Variants in CCDC85A observed in about 807,000 individuals in gnomAD.
The protein encoded by CCDC85A is coiled-coil domain-containing protein 85A.
Under a neutral mutation model 50.2 loss-of-function variants are expected in CCDC85A, and 38 were observed. The observed-to-expected ratio is 0.76, with a 90% CI of 0.58 to 0.99. The LOEUF is 0.99. CCDC85A is among the 50% of genes least tolerant of loss of function. The pLI, the probability that CCDC85A is intolerant of heterozygous loss-of-function variation, is 0.00. For missense variants in CCDC85A, 820 were observed against 742.0 expected (o/e 1.11, Z -1.22); for synonymous variants, 366 against 301.4 (o/e 1.21, Z -2.22).
At chr2:56,246,823 C>T (rs939137971) in intron 2 of CCDC85A, among the ~76,000 whole-genome samples, 3 of 152,036 alleles carry the variant, frequency 2.0e-5, no homozygotes, top group African/African-American at 7.2e-5. Flanking sequence ...TAAAATTTCA[C>T]TTGTTGGATA....
chr2:56,262,766 C>T (rs1022900120), intron 2 of CCDC85A, among the ~76,000 whole-genome samples: 4 of 152,200 alleles, frequency 2.6e-5, no homozygotes, highest in Non-Finnish European at 5.9e-5. Flanking sequence ...AGAGCCATCA[C>T]AGGGAAGTTC....
At position 56,192,456 on chromosome 2, in the gene CCDC85A, TG is replaced by T. The variant is rs1395815273; in HGVS notation, c.277-19del. ...ACCTCAGATGTGTACTTCCCTTGAA[TG>T]GTTGTGTCTCTCTTTTCAGGATATC... On this transcript the variant is annotated intron_variant, in intron 1 of 5. Transcript: ENST00000407595. This position sits in a 1 kb window ranked among gnomAD's most constrained non-coding sequence, Gnocchi z 4.7. 3.1e-6 allele frequency: 5 copies of T among 1,587,454 alleles called. No homozygotes were observed. The African/African-American group carries it at 6.7e-5, about 21-fold the overall frequency.
chr2:56,224,354 C>T (rs757053215), intron 2 of CCDC85A, among the ~76,000 whole-genome samples: 1 of 152,188 alleles, frequency 6.6e-6, no homozygotes, highest in Admixed American at 6.5e-5. Context: ...TTGAAAAAAT[C>T]CATTCATTGA....
At chr2:56,278,879 T>C (rs1341921714) in intron 2 of CCDC85A, among the ~76,000 whole-genome samples, 1 of 152,228 alleles carries the variant, frequency 6.6e-6, no homozygotes. Context: ...GACACTGGTC[T>C]GCTTTCTTAT....
At chr2:56,261,064 A>T (rs1573121204) in intron 2 of CCDC85A, among the ~76,000 whole-genome samples, 1 of 152,168 alleles carries the variant, frequency 6.6e-6, no homozygotes, top group East Asian at 1.9e-4. Flanking sequence ...AGGCATCAGG[A>T]CCCCTGGGTT....
chr2:56,240,523 C>A (rs1041206672), intron 2 of CCDC85A, among the ~76,000 whole-genome samples: 1 of 152,122 alleles, frequency 6.6e-6, no homozygotes, highest in Admixed American at 6.5e-5. Flanking sequence ...TTGTCCAATT[C>A]TTTGTTCAAA....
intron 2 of CCDC85A, among the ~76,000 whole-genome samples, chr2:56,289,463 A>G (rs7566597): frequency 0.21 from 31,570 of 152,012 alleles, 4,938 homozygotes; most frequent in African/African-American, 0.43. Context: ...GTAGGATTTC[A>G]TTGGGCAAAG....
chr2:56,309,600 A>G (rs1455495638), intron 2 of CCDC85A, among the ~76,000 whole-genome samples: 6 of 152,212 alleles, frequency 3.9e-5, no homozygotes, highest in Non-Finnish European at 8.8e-5. Flanking sequence ...ACTAGGACAG[A>G]TAAGTAAACT....
chr2:56,383,901 A>G (rs987662722), intron 5 of CCDC85A: 8 of 283,130 alleles, frequency 2.8e-5, no homozygotes, highest in South Asian at 1.4e-4. Flanking sequence ...GCAGTTGTCC[A>G]TGCCTCACTT....
chr2:56,293,398 C>T (rs941498477), intron 2 of CCDC85A, among the ~76,000 whole-genome samples: 2 of 152,120 alleles, frequency 1.3e-5, no homozygotes, highest in Non-Finnish European at 2.9e-5. Flanking sequence ...TAGGCAGTAC[C>T]ATTCAGGACA....
At chr2:56,207,138 C>T (rs1676994022) in intron 2 of CCDC85A, among the ~76,000 whole-genome samples, 1 of 152,156 alleles carries the variant, frequency 6.6e-6, no homozygotes, top group African/African-American at 2.4e-5. Context: ...TTAGCTTTTA[C>T]ATTTCACTTA....
At chr2:56,361,050 G>A (rs1016476560) in intron 3 of CCDC85A, among the ~76,000 whole-genome samples, 2 of 152,132 alleles carry the variant, frequency 1.3e-5, no homozygotes, top group Admixed American at 1.3e-4. Context: ...TCAGGAGATC[G>A]AGACCATCCT....
intron 2 of CCDC85A, among the ~76,000 whole-genome samples, chr2:56,203,595 T>C (rs1558582376): frequency 6.6e-6 from 1 of 152,098 alleles, no homozygotes; most frequent in Non-Finnish European, 1.5e-5. Flanking sequence ...ACAAAAGACA[T>C]TGATTTGAAA....
intron 1 of CCDC85A, among the ~76,000 whole-genome samples, chr2:56,191,257 G>A (rs762972746): frequency 9.9e-5 from 15 of 151,782 alleles, no homozygotes; most frequent in South Asian, 4.1e-4. Flanking sequence ...ACTGCATGAC[G>A]TTATGCTCTA....
chr2:56,338,656 GT>G (rs1254256268), intron 2 of CCDC85A, among the ~76,000 whole-genome samples: 1 of 151,740 alleles, frequency 6.6e-6, no homozygotes, highest in African/African-American at 2.4e-5. Flanking sequence ...TTAATTATTG[GT>G]TATGCACTAC....
chr2:56,252,626 G>C (rs1213997665), intron 2 of CCDC85A, among the ~76,000 whole-genome samples: 1 of 152,006 alleles, frequency 6.6e-6, no homozygotes, highest in Non-Finnish European at 1.5e-5. Context: ...ACGTGCCATG[G>C]TGGTTTGCTG....
At chr2:56,203,448 A>T (rs116666608) in intron 2 of CCDC85A, among the ~76,000 whole-genome samples, 1 of 151,914 alleles carries the variant, frequency 6.6e-6, no homozygotes, top group Non-Finnish European at 1.5e-5. Context: ...ACTATATGCC[A>T]TGTGGTTTTC....
At chr2:56,299,804 C>A (rs994369664) in intron 2 of CCDC85A, among the ~76,000 whole-genome samples, 1 of 152,160 alleles carries the variant, frequency 6.6e-6, no homozygotes, top group East Asian at 1.9e-4. Flanking sequence ...CTGCCACTGT[C>A]CTCAGGAAAT....
At chr2:56,318,966 A>C (rs996082078) in intron 2 of CCDC85A, among the ~76,000 whole-genome samples, 1 of 152,084 alleles carries the variant, frequency 6.6e-6, no homozygotes, top group African/African-American at 2.4e-5. Context: ...CTATAGGTAG[A>C]AGATTGTGCA....
Sources: allele counts gnomAD v4.1 joint callset (sites outside exome capture counted in the v4.1 genomes callset), GRCh38; gene constraint gnomAD v4.1.1; non-coding constraint Gnocchi (gnomAD v3.1); transcripts MANE v1.5; gene names NCBI Gene and HGNC (gene_info 2026-07-23, HGNC 2026-07-21).